PDE11A: variants seen among roughly 807,000 people sequenced by gnomAD.
PDE11A encodes the protein dual 3',5'-cyclic-AMP and -GMP phosphodiesterase 11A.
A neutral mutation model predicts 100.5 loss-of-function variants in PDE11A; 100 were observed. The ratio of observed to expected loss-of-function variants is 1.00; its 90% confidence interval spans 0.85 to 1.18. The LOEUF (loss-of-function observed/expected upper bound fraction) is 1.18, where lower values mean the gene tolerates loss of function less well. PDE11A is among the 50% of genes most tolerant of loss of function. The pLI is 0.00. For synonymous variants in PDE11A, 381 were observed against 420.8 expected, an observed-to-expected ratio of 0.91 and a Z score of 1.16; for missense variants, 1,141 against 1,152.6, an observed-to-expected ratio of 0.99 and a Z score of 0.15.
At chr2:177,921,269 T>G (rs1372122898) in intron 2 of PDE11A, among the ~76,000 whole-genome samples, 1 of 151,670 alleles carries the variant, frequency 6.6e-6, no homozygotes, top group East Asian at 1.9e-4. Flanking sequence ...TTTAATATTA[T>G]TTTCCTATAG....
chr2:177,918,910 C>A (rs1375416477), intron 2 of PDE11A, among the ~76,000 whole-genome samples: 1 of 152,082 alleles, frequency 6.6e-6, no homozygotes, highest in African/African-American at 2.4e-5. Context: ...TCTTCAAGAA[C>A]AAGAAAATTC....
intron 19 of PDE11A, among the ~76,000 whole-genome samples, chr2:177,636,475 T>C (rs886849859): frequency 1.3e-5 from 2 of 152,222 alleles, no homozygotes; most frequent in African/African-American, 4.8e-5. Flanking sequence ...CTTACTGTCA[T>C]TAGCAAACTT....
At chr2:177,631,512 AATATATATATATAT>A (rs1180694998) in intron 19 of PDE11A, among the ~76,000 whole-genome samples, 4 of 10,780 alleles carry the variant, frequency 3.7e-4, no homozygotes, top group African/African-American at 8.7e-4. Context: ...AAAAAAAAAA[AATATATATATATAT>A]ATATATATAT....
intron 19 of PDE11A, 86 bp from the exon 20 acceptor site, chr2:177,629,648 A>C (rs943446214): frequency 7.4e-7 from 1 of 1,348,532 alleles, no homozygotes; most frequent in Non-Finnish European, 1.1e-6. Context: ...TTATGAGGAG[A>C]ATGGAAACTG....
intron 2 of PDE11A, among the ~76,000 whole-genome samples, chr2:178,084,915 C>A (rs2087330159): frequency 6.6e-6 from 1 of 152,024 alleles, no homozygotes; most frequent in African/African-American, 2.4e-5. Flanking sequence ...ATGTGAGCAC[C>A]CATTATGTAT....
intron 1 of PDE11A, among the ~76,000 whole-genome samples, chr2:178,039,579 C>A (rs1028814301): frequency 6.6e-6 from 1 of 151,600 alleles, no homozygotes; most frequent in African/African-American, 2.4e-5. Flanking sequence ...TAAAAGTCTG[C>A]GGTCATGCAA....
chr2:177,905,150 A>G lies in PDE11A; in HGVS notation c.1109T>C (p.Ile370Thr), dbSNP rs1342634171. The change falls in exon 3 of 20, where the codon ATA (isoleucine) becomes ACA (threonine). Residue 370 changes from isoleucine (I) to threonine (T), a missense_variant. Physicochemically the swap from Ile to Thr is moderately conservative, Grantham distance 89 (BLOSUM62 -1). Coordinates refer to ENST00000286063, the MANE Select transcript of PDE11A (RefSeq NM_016953.4). ...QMYLPFCGIA[I>T]SNAQLFAASR... is the part of the protein sequence containing the mutation. The stretch of plus-strand genomic sequence containing the variant: ...GGCAGCAAAGAGCTGAGCGTTAGAT[A>G]TGGCGATTCCACAAAATGGAAGATA... The G allele has an allele frequency of 1.6e-5, 25 of 1,609,362 alleles. No individual in the cohort carries two copies. Among genetic ancestry groups the G allele is most frequent in the Non-Finnish European group, 2.0e-5 (23 of 1,175,762 alleles).
chr2:178,005,117 ACTC>A (rs1279323124), intron 2 of PDE11A, among the ~76,000 whole-genome samples: 4 of 147,440 alleles, frequency 2.7e-5, no homozygotes, highest in African/African-American at 1.0e-4. Flanking sequence ...AGTCCCCTTT[ACTC>A]CAGGTGTTCA....
intron 19 of PDE11A, among the ~76,000 whole-genome samples, chr2:177,634,354 A>C (rs2080000166): frequency 6.6e-6 from 1 of 151,560 alleles, no homozygotes; most frequent in Non-Finnish European, 1.5e-5. Context: ...AAAGGTAACA[A>C]AACTCCTATC....
At chr2:177,886,817 G>A (rs1424120030) in intron 4 of PDE11A, among the ~76,000 whole-genome samples, 1 of 152,084 alleles carries the variant, frequency 6.6e-6, no homozygotes, top group Non-Finnish European at 1.5e-5. Context: ...AAACACAGAG[G>A]AAATCAGAAA....
rs879603898 is a variant in PDE11A at position 178,019,042 on chromosome 2, A to C, written c.913-4582T>G. ...CAGTTTAATTACTAAATATGTGATC[A>C]AACATCTCCTGTATTTTTCCTGATA... On this transcript the variant is annotated intron_variant, in intron 1 of 19. Transcript: ENST00000286063. Among the ~76,000 whole-genome samples the C allele has an allele frequency of 7.2e-5, 11 of 152,366 alleles. No homozygotes were observed. In the South Asian group the frequency reaches 1.2e-3, roughly 17 times the overall value.
chr2:177,748,441 CA>C (rs1209583554), intron 10 of PDE11A, among the ~76,000 whole-genome samples: 1 of 152,164 alleles, frequency 6.6e-6, no homozygotes, highest in Non-Finnish European at 1.5e-5. Flanking sequence ...AAAGACACAG[CA>C]GGTGAATAAA....
chr2:177,972,514 T>C (rs1260223607), intron 2 of PDE11A, among the ~76,000 whole-genome samples: 5 of 152,152 alleles, frequency 3.3e-5, no homozygotes, highest in Non-Finnish European at 5.9e-5. Context: ...CCTCAAGATG[T>C]TTATCCTTCA....
chr2:178,074,861 T>C (rs16866053), upstream of PDE11A, among the ~76,000 whole-genome samples: 813 of 152,248 alleles, frequency 5.3e-3, 13 homozygotes, highest in African/African-American at 0.019. Context: ...AAGGAGTTAA[T>C]GGTTGGGGAA....
intron 10 of PDE11A, among the ~76,000 whole-genome samples, chr2:177,743,856 T>A (rs928281456): frequency 6.6e-6 from 1 of 152,116 alleles, no homozygotes; most frequent in Non-Finnish European, 1.5e-5. Context: ...ATGGATGAAA[T>A]TCAAGTTGGA....
At chr2:177,781,345 A>G (rs2082451035) in intron 9 of PDE11A, among the ~76,000 whole-genome samples, 2 of 152,340 alleles carry the variant, frequency 1.3e-5, no homozygotes, top group Non-Finnish European at 2.9e-5. Context: ...GATAATTGTA[A>G]CAGATATAAT....
chr2:177,970,155 G>A (rs1288684323), intron 2 of PDE11A, among the ~76,000 whole-genome samples: 2 of 152,094 alleles, frequency 1.3e-5, no homozygotes, highest in African/African-American at 2.4e-5. Flanking sequence ...CCAGAGACTC[G>A]AGAAGTAGTT....
intron 1 of PDE11A, among the ~76,000 whole-genome samples, chr2:178,032,174 G>A (rs2086556963): frequency 6.6e-6 from 1 of 151,908 alleles, no homozygotes; most frequent in South Asian, 2.1e-4. Flanking sequence ...CACAAAAAAG[G>A]AATTACAATT....
intron 9 of PDE11A, among the ~76,000 whole-genome samples, chr2:177,791,936 A>G (rs2082638877): frequency 6.6e-6 from 1 of 152,184 alleles, no homozygotes; most frequent in Admixed American, 6.5e-5. Context: ...AAAACGTTGC[A>G]TGTGATAATG....
Sources: gnomAD v4.1 joint callset for allele counts (sites outside exome capture counted in the v4.1 genomes callset) on GRCh38, gnomAD v4.1.1 for gene constraint, MANE v1.5 for transcripts, NCBI Gene and HGNC (gene_info 2026-07-23, HGNC 2026-07-21) for gene names.